FNDC3B: variants seen among roughly 807,000 people sequenced by gnomAD.
FNDC3B encodes the protein fibronectin type III domain-containing protein 3B.
A neutral mutation model predicts 151.5 loss-of-function variants in FNDC3B; 12 were observed. The observed-to-expected ratio is 0.08, with a 90% CI of 0.05 to 0.13. FNDC3B has a LOEUF of 0.13. FNDC3B is among the 10% of genes least tolerant of loss of function. The pLI is 1.00. For missense variants in FNDC3B, 1,214 were observed against 1,505.3 expected, an observed-to-expected ratio of 0.81 and a Z score of 3.20; for synonymous variants, 528 against 549.0, an observed-to-expected ratio of 0.96 and a Z score of 0.54.
intron 3 of FNDC3B, among the ~76,000 whole-genome samples, chr3:172,189,755 T>A (rs1318733731): frequency 7.2e-6 from 1 of 137,988 alleles, no homozygotes; most frequent in African/African-American, 2.8e-5. Flanking sequence ...GAGCTATGAT[T>A]GTGCCACTGC....
chr3:172,207,151 T>C (rs1725475518), intron 3 of FNDC3B, among the ~76,000 whole-genome samples: 1 of 152,160 alleles, frequency 6.6e-6, no homozygotes, highest in Non-Finnish European at 1.5e-5. Flanking sequence ...TTTTATCTGC[T>C]AGTCAGTAAT....
chr3:172,288,870 A>C (rs981251019), intron 7 of FNDC3B, among the ~76,000 whole-genome samples: 1 of 152,170 alleles, frequency 6.6e-6, no homozygotes, highest in African/African-American at 2.4e-5. Flanking sequence ...TCTGGATGGC[A>C]GTGTAAGTGT....
At chr3:172,181,408 A>C (rs569960035) in intron 3 of FNDC3B, among the ~76,000 whole-genome samples, 1 of 145,112 alleles carries the variant, frequency 6.9e-6, no homozygotes, top group East Asian at 2.0e-4. Context: ...AAAAAAAAAA[A>C]AAAAAACAAA....
intron 1 of FNDC3B, among the ~76,000 whole-genome samples, chr3:172,048,705 A>G (rs975743891): frequency 6.6e-6 from 1 of 152,240 alleles, no homozygotes. Flanking sequence ...ATGCCCATCA[A>G]CAGATGAATG....
chr3:172,181,609 T>C (rs1028972465), intron 3 of FNDC3B, among the ~76,000 whole-genome samples: 2 of 151,552 alleles, frequency 1.3e-5, no homozygotes, highest in African/African-American at 4.8e-5. Context: ...GGTGGGCATA[T>C]CACGAGGTCA....
At chr3:172,147,347 C>T (rs1234538110) in intron 3 of FNDC3B, among the ~76,000 whole-genome samples, 1 of 151,034 alleles carries the variant, frequency 6.6e-6, no homozygotes, top group Admixed American at 6.6e-5. Flanking sequence ...AAATAACCAT[C>T]TTACAACTTG....
chr3:172,249,746 T>C (rs896826447), intron 5 of FNDC3B, among the ~76,000 whole-genome samples: 1 of 152,202 alleles, frequency 6.6e-6, no homozygotes, highest in Non-Finnish European at 1.5e-5. Context: ...AGGATTATAT[T>C]TGTTTTGACA....
At chr3:172,344,441 A>G (rs1041954175) in intron 19 of FNDC3B, among the ~76,000 whole-genome samples, 183 bp downstream of exon 19, 59 of 152,326 alleles carry the variant, frequency 3.9e-4, no homozygotes, top group African/African-American at 1.1e-3. Flanking sequence ...ATATAGACCC[A>G]GCATTAGAAG....
chr3:172,176,204 G>A (rs1474050417), intron 3 of FNDC3B, among the ~76,000 whole-genome samples: 2 of 152,150 alleles, frequency 1.3e-5, no homozygotes, highest in Non-Finnish European at 2.9e-5. Flanking sequence ...GCCAGAGCCT[G>A]GTGTTGCTTA....
intron 6 of FNDC3B, 102 bp downstream of exon 6, chr3:172,251,643 G>C (rs1728086980): frequency 8.7e-7 from 1 of 1,152,998 alleles, no homozygotes; most frequent in African/African-American, 1.5e-5. Flanking sequence ...CATGGTGGTT[G>C]GTTGTTCTGC....
Position 172,048,876 on chromosome 3 carries a change from A to C in FNDC3B, c.-29+9105A>C, listed in dbSNP as rs568708996. On this transcript the variant is annotated intron_variant, in intron 1 of 25. Coordinates refer to ENST00000415807, the MANE Select transcript of FNDC3B (RefSeq NM_022763.4). ...CCGGACACAAGAAGATAAATATTGT[A>C]TATATCCACTTGCATGAGATGACTA... is the stretch of plus-strand genomic sequence containing the variant. Among the ~76,000 whole-genome samples the C allele has an allele frequency of 2.6e-5, 4 of 152,238 alleles. No individual in the cohort carries two copies. In the South Asian group the frequency reaches 8.3e-4, roughly 31 times the overall value.
At chr3:172,250,597 A>G (rs1341254685) in intron 5 of FNDC3B, among the ~76,000 whole-genome samples, 1 of 152,188 alleles carries the variant, frequency 6.6e-6, no homozygotes, top group Non-Finnish European at 1.5e-5. Context: ...TTTTTCATGT[A>G]TTGCAACTAC....
At chr3:172,055,928 C>T (rs113162824) in intron 1 of FNDC3B, among the ~76,000 whole-genome samples, 2,412 of 152,146 alleles carry the variant, frequency 0.016, 65 homozygotes, top group African/African-American at 0.055. Flanking sequence ...CTATAGGCGC[C>T]CGCCACCACG....
chr3:172,348,997 A>G (rs535337167), intron 21 of FNDC3B, among the ~76,000 whole-genome samples: 1 of 152,304 alleles, frequency 6.6e-6, no homozygotes, highest in Non-Finnish European at 1.5e-5. Context: ...GGCACTTAAG[A>G]ATTTAAATAT....
intron 1 of FNDC3B, among the ~76,000 whole-genome samples, chr3:172,055,919 T>C (rs979469166): frequency 6.6e-6 from 1 of 152,146 alleles, no homozygotes; most frequent in Non-Finnish European, 1.5e-5. Flanking sequence ...TAGCTGGGAC[T>C]ATAGGCGCCC....
In FNDC3B at chr3:172,344,226, C is replaced by T. The variant is rs760937058; in HGVS notation, c.2218C>T (p.Arg740Cys). Reference protein sequence around the residue: ...VGNLLPGTVYRFRVRALNDGG... With the variant: ...VGNLLPGTVYCFRVRALNDGG... Reference sequence around the variant, plus strand: ...CAACCTGCTTCCTGGAACCGTGTATCGCTTCCGGGTGAGGGCTCTGAATGA... The same window carrying T: ...CAACCTGCTTCCTGGAACCGTGTATTGCTTCCGGGTGAGGGCTCTGAATGA... The change falls in exon 19 of 26, where the codon CGC becomes TGC. Residue 740 changes from arginine to cysteine, a missense_variant. Physicochemically the swap from Arg to Cys is radical, Grantham distance 180. Transcript: ENST00000415807. The T allele has an allele frequency of 2.1e-5, 34 of 1,613,850 alleles. No individual in the cohort carries two copies. Among genetic ancestry groups the T allele is most frequent in the Admixed American group, 1.7e-4 (10 of 59,974 alleles).
chr3:172,305,535 GGTTC>G (rs1231227897), intron 9 of FNDC3B, among the ~76,000 whole-genome samples: 1 of 152,198 alleles, frequency 6.6e-6, no homozygotes, highest in Admixed American at 6.5e-5. Flanking sequence ...ATCAGATACA[GGTTC>G]AGTTTTTCTG....
At chr3:172,340,775 G>A (rs1224702793) in intron 16 of FNDC3B, among the ~76,000 whole-genome samples, 1 of 152,164 alleles carries the variant, frequency 6.6e-6, no homozygotes, top group Non-Finnish European at 1.5e-5. Flanking sequence ...CCTCACACCA[G>A]GAGCATTTGA....
rs977766056 is a variant in FNDC3B at position 172,315,538 on chromosome 3, A to G, written c.1254+4657A>G. ...CTCGTGAGCTTTAGTGTTTAGAGCC[A>G]TGGGGTTTAATAACTGACCCCGCAT... On this transcript the variant is annotated intron_variant, in intron 11 of 25. Coordinates refer to ENST00000415807, the MANE Select transcript of FNDC3B (RefSeq NM_022763.4). Among the ~76,000 whole-genome samples the G allele has an allele frequency of 4.2e-4, 64 of 152,310 alleles. 1 individual carries two copies. Among genetic ancestry groups the G allele is most frequent in the African/African-American group, 1.5e-3 (61 of 41,572 alleles).
Sources: allele counts gnomAD v4.1 joint callset (sites outside exome capture counted in the v4.1 genomes callset), GRCh38; gene constraint gnomAD v4.1.1; transcripts MANE v1.5; gene names NCBI Gene and HGNC (gene_info 2026-07-23, HGNC 2026-07-21).